Variants in LRP1B observed in about 807,000 individuals in gnomAD.
The protein encoded by LRP1B is low-density lipoprotein receptor-related protein 1B.
In LRP1B, 217 loss-of-function variants were observed where a neutral mutation model predicts 556.6. That is an observed-to-expected ratio of 0.39 (90% CI 0.35 to 0.44). The LOEUF (loss-of-function observed/expected upper bound fraction) is 0.44. LRP1B is among the 20% of genes least tolerant of loss of function. LRP1B has a pLI of 1.00. For synonymous variants in LRP1B, 2,047 were observed against 1,865.8 expected, an observed-to-expected ratio of 1.10 and a Z score of -2.50; for missense variants, 5,053 against 5,620.8, an observed-to-expected ratio of 0.90 and a Z score of 3.23.
intron 6 of LRP1B, among the ~76,000 whole-genome samples, chr2:141,215,150 G>A (rs1444384163): frequency 6.6e-6 from 1 of 152,008 alleles, no homozygotes; most frequent in East Asian, 1.9e-4. Flanking sequence ...TTGAGATCTG[G>A]TTATTTGAAA....
intron 2 of LRP1B, among the ~76,000 whole-genome samples, chr2:141,705,042 T>C (rs1333048749): frequency 1.3e-5 from 2 of 151,976 alleles, no homozygotes; most frequent in Non-Finnish European, 2.9e-5. Context: ...ATGTACCACG[T>C]ACTAATCTAA....
intron 2 of LRP1B, among the ~76,000 whole-genome samples, chr2:141,716,258 C>T (rs1462374697): frequency 6.6e-6 from 1 of 152,224 alleles, no homozygotes; most frequent in Non-Finnish European, 1.5e-5. Context: ...ATTAGAAACA[C>T]TCCTTAAAAT....
chr2:141,854,557 T>C (rs2105780020), intron 1 of LRP1B, among the ~76,000 whole-genome samples: 1 of 152,202 alleles, frequency 6.6e-6, no homozygotes, highest in South Asian at 2.1e-4. Flanking sequence ...ACACATCTGT[T>C]GAAGTTGAAT....
intron 1 of LRP1B, among the ~76,000 whole-genome samples, chr2:142,106,149 T>A (rs1706739509): frequency 6.6e-6 from 1 of 152,182 alleles, no homozygotes; most frequent in African/African-American, 2.4e-5. Context: ...TTAGTATATC[T>A]GTAAGAAGTG....
chr2:140,767,489 C>A (rs1198862640), intron 35 of LRP1B, among the ~76,000 whole-genome samples: 1 of 151,882 alleles, frequency 6.6e-6, no homozygotes, highest in Non-Finnish European at 1.5e-5. Flanking sequence ...CATCATGGTA[C>A]ATGATATTAA....
At position 140,751,929 on chromosome 2, in the gene LRP1B, A is replaced by C. The variant is rs1019269700; in HGVS notation, c.5758+17284T>G. Among the ~76,000 whole-genome samples, 10 of 152,340 alleles carry C rather than the reference A, an allele frequency of 6.6e-5. No homozygotes were observed. The South Asian group carries it at 2.1e-3, about 32-fold the overall frequency. ...AAACGAATACCCATGTAGGATATAT[A>C]TACGCAGTACAATAATAACAGGTGG... On this transcript the variant is annotated intron_variant, in intron 35 of 90. Transcript: ENST00000389484.
chr2:141,091,797 A>G (rs1403330841), intron 7 of LRP1B, among the ~76,000 whole-genome samples: 1 of 152,188 alleles, frequency 6.6e-6, no homozygotes, highest in Non-Finnish European at 1.5e-5. Flanking sequence ...ATAAACAATG[A>G]GAAGCAAAAG....
At chr2:141,321,946 A>C (rs1228352714) in intron 3 of LRP1B, among the ~76,000 whole-genome samples, 1 of 152,112 alleles carries the variant, frequency 6.6e-6, no homozygotes, top group Non-Finnish European at 1.5e-5. Flanking sequence ...AATAGTATGC[A>C]CTAGAGCTTT....
intron 3 of LRP1B, among the ~76,000 whole-genome samples, chr2:141,377,460 G>T: frequency 6.6e-6 from 1 of 151,912 alleles, no homozygotes; most frequent in Non-Finnish European, 1.5e-5. Context: ...TTTAAAGACA[G>T]GTTCTAATTT....
At position 140,702,133 on chromosome 2, in the gene LRP1B, T is replaced by C. The variant is rs528991232; in HGVS notation, c.6302+8A>G. On this transcript the variant is annotated splice_region_variant and intron_variant, in intron 39 of 90. Transcript: ENST00000389484. ...TGAGACTCAAATACTTATGAAAAAA[T>C]AAATTACCTGTCAGACCAGTAGATG... 1.2e-5 allele frequency: 20 copies of C among 1,611,226 alleles called. No individual in the cohort carries two copies. The South Asian group carries it at 2.1e-4, about 17-fold the overall frequency.
intron 32 of LRP1B, among the ~76,000 whole-genome samples, chr2:140,781,864 T>G (rs1689710521): frequency 6.6e-6 from 1 of 152,198 alleles, no homozygotes; most frequent in Non-Finnish European, 1.5e-5. Context: ...CATGATTTTG[T>G]ATTTAATGGT....
chr2:141,983,214 C>T lies in LRP1B; in HGVS notation c.82+147434G>A, dbSNP rs528574798. The stretch of plus-strand genomic sequence containing the variant: ...TCTCACTTCAGAAAAAAATTTGGGA[C>T]GTATTTTTCTATAGATACTTTGTCA... On this transcript the variant is annotated intron_variant, in intron 1 of 90. Coordinates refer to ENST00000389484, the MANE Select transcript of LRP1B (RefSeq NM_018557.3). Among the ~76,000 whole-genome samples, 32 of 152,110 alleles carry T rather than the reference C, an allele frequency of 2.1e-4. No homozygotes were observed. The South Asian group carries it at 5.6e-3, about 27-fold the overall frequency.
At chr2:141,159,564 C>A (rs537902675) in intron 7 of LRP1B, among the ~76,000 whole-genome samples, 129 of 151,998 alleles carry the variant, frequency 8.5e-4, no homozygotes, top group African/African-American at 3.0e-3. Flanking sequence ...CATGAGAGAT[C>A]CGAGGGTAAT....
intron 2 of LRP1B, among the ~76,000 whole-genome samples, chr2:141,803,718 T>C (rs1159117203): frequency 1.3e-5 from 2 of 152,080 alleles, no homozygotes; most frequent in Non-Finnish European, 2.9e-5. Flanking sequence ...CAGTGCCTTA[T>C]TCTACTATAT....
intron 21 of LRP1B, among the ~76,000 whole-genome samples, chr2:140,920,993 AG>A: frequency 6.6e-6 from 1 of 151,990 alleles, no homozygotes; most frequent in Non-Finnish European, 1.5e-5. Flanking sequence ...CCATATTCAC[AG>A]GAAGTTGTTT....
At chr2:141,499,371 A>G (rs551091547) in intron 2 of LRP1B, among the ~76,000 whole-genome samples, 3 of 152,220 alleles carry the variant, frequency 2.0e-5, no homozygotes, top group African/African-American at 4.8e-5. Flanking sequence ...TGACAGAGTA[A>G]CATCGCTTCC....
intron 32 of LRP1B, among the ~76,000 whole-genome samples, chr2:140,776,937 G>A (rs1300104967): frequency 6.6e-6 from 1 of 152,070 alleles, no homozygotes; most frequent in Non-Finnish European, 1.5e-5. Context: ...GTAAGGAAAT[G>A]ATTATTGTTT....
intron 41 of LRP1B, among the ~76,000 whole-genome samples, chr2:140,620,462 C>T (rs2044045): frequency 0.13 from 20,387 of 152,150 alleles, 1,435 homozygotes; most frequent in Middle Eastern, 0.17. Context: ...TTATCCTCTT[C>T]GCCTAAATGT....
chr2:140,310,884 C>CAAAAGTAGATAAATGGGACTTA (rs1325558026), intron 83 of LRP1B, among the ~76,000 whole-genome samples: 2 of 151,732 alleles, frequency 1.3e-5, no homozygotes, highest in Non-Finnish European at 3.0e-5. Context: ...GCATCATAAA[C>CAAAAGTAGATAAATGGGACTTA]AAAAGTAGAT....
Sources: gnomAD v4.1 joint callset for allele counts (sites outside exome capture counted in the v4.1 genomes callset) on GRCh38, gnomAD v4.1.1 for gene constraint, MANE v1.5 for transcripts, NCBI Gene and HGNC (gene_info 2026-07-23, HGNC 2026-07-21) for gene names.